The following TSGA10 variants were observed in gnomAD, a reference collection of about 807,000 sequenced individuals.
TSGA10 encodes testis-specific gene 10 protein.
TSGA10 carries 43 observed loss-of-function variants against 96.6 expected under a neutral mutation model. The observed-to-expected ratio is 0.44, with a 90% CI of 0.35 to 0.57. The LOEUF (loss-of-function observed/expected upper bound fraction) is 0.57. TSGA10 is among the 20% of genes least tolerant of loss of function. TSGA10 has a pLI of 0.01. For synonymous variants in TSGA10, 229 were observed against 269.9 expected (o/e 0.85, Z 1.48); for missense variants, 703 against 834.4 (o/e 0.84, Z 1.94).
chr2:99,051,996 T>C (rs572361943), intron 16 of TSGA10, among the ~76,000 whole-genome samples: 58 of 151,680 alleles, frequency 3.8e-4, no homozygotes, highest in Non-Finnish European at 6.2e-4. Flanking sequence ...TAGAAGAAAA[T>C]TGATGCAGGT....
intron 10 of TSGA10, among the ~76,000 whole-genome samples, chr2:99,103,100 AAT>A (rs2090956366): frequency 6.6e-6 from 1 of 151,296 alleles, no homozygotes; most frequent in African/African-American, 2.4e-5. Flanking sequence ...AAAAAAAAAA[AAT>A]TGTTAAGAAA....
intron 4 of TSGA10, chr2:99,117,183 T>C (rs2092317625): frequency 6.6e-6 from 1 of 152,222 alleles, no homozygotes; most frequent in Non-Finnish European, 1.5e-5. Context: ...TTAATGGGTA[T>C]TGAAATCAAT....
intron 17 of TSGA10, among the ~76,000 whole-genome samples, chr2:99,030,725 C>T (rs996051896): frequency 6.6e-6 from 1 of 152,084 alleles, no homozygotes; most frequent in Non-Finnish European, 1.5e-5. Context: ...TTGACAATGA[C>T]ATTAACACTA....
At chr2:98,999,070 A>G (rs1185813719) in intron 20 of TSGA10, among the ~76,000 whole-genome samples, 1 of 151,948 alleles carries the variant, frequency 6.6e-6, no homozygotes, top group African/African-American at 2.4e-5. Flanking sequence ...TAATGTTTGT[A>G]TTTTTAGTAG....
chr2:99,028,875 G>T (rs1176799160), intron 17 of TSGA10, among the ~76,000 whole-genome samples: 1 of 152,042 alleles, frequency 6.6e-6, no homozygotes, highest in Admixed American at 6.6e-5. Flanking sequence ...TTCCACTTGT[G>T]GGAATCCATC....
intron 1 of TSGA10, 101 bp from the exon 2 acceptor site, chr2:99,127,277 T>G: frequency 1.0e-6 from 1 of 995,830 alleles, no homozygotes; most frequent in Non-Finnish European, 1.3e-6. Context: ...ATTCTTAGAT[T>G]TTTTTTAACC....
At chr2:99,051,308 C>A (rs2083369711) in intron 16 of TSGA10, among the ~76,000 whole-genome samples, 1 of 151,926 alleles carries the variant, frequency 6.6e-6, no homozygotes, top group South Asian at 2.1e-4. Flanking sequence ...ATATATCATG[C>A]AAAGAGCAAC....
rs555668072 is a variant in TSGA10, at chr2:99,036,761, C to T, written c.1405-1322G>A. On this transcript the variant is annotated intron_variant, in intron 16 of 20. Transcript: ENST00000393483. ...AAAACAAGATCTACTTATTTAGCTA[C>T]GATAAATTAATATTAATATTCAAAT... Among the ~76,000 whole-genome samples the T allele has an allele frequency of 2.3e-3, 351 of 151,894 alleles. 2 individuals are homozygous for T. The highest frequency in any genetic ancestry group is 0.014 in the Middle Eastern group (4 of 294).
At chr2:99,132,417 A>C (rs2093133866) in intron 1 of TSGA10, among the ~76,000 whole-genome samples, 1 of 152,000 alleles carries the variant, frequency 6.6e-6, no homozygotes, top group African/African-American at 2.4e-5. Context: ...ATTTGTGTAG[A>C]GACGTTTATA....
chr2:99,132,040 A>AT (rs202137749), intron 1 of TSGA10, among the ~76,000 whole-genome samples: 1,621 of 151,976 alleles, frequency 0.011, 9 homozygotes, highest in Middle Eastern at 0.027. Context: ...TTTATTGAGG[A>AT]TTTTCACATC....
intron 3 of TSGA10, 61 bp from the exon 4 acceptor site, chr2:99,117,820 G>C: frequency 1.2e-6 from 1 of 821,558 alleles, no homozygotes; most frequent in Non-Finnish European, 1.5e-6. Flanking sequence ...CTGGGGAGCA[G>C]CTGTGTGACT....
chr2:99,117,376 GT>G (rs202114597), intron 4 of TSGA10, 167 bp downstream of exon 4: 2,503 of 203,264 alleles, frequency 0.012, 14 homozygotes, highest in Middle Eastern at 0.022. Context: ...GTTAAAAGAA[GT>G]AAAATGTGAG....
chr2:99,074,000 C>CTTTTTTTTTTTTTTTT lies in TSGA10; in HGVS notation c.883-943_883-928dup. Among the ~76,000 whole-genome samples, 285 of 52,636 alleles carry CTTTTTTTTTTTTTTTT rather than the reference C, an allele frequency of 5.4e-3. 97 individuals are homozygous for CTTTTTTTTTTTTTTTT. Among genetic ancestry groups the CTTTTTTTTTTTTTTTT allele is most frequent in the African/African-American group, 7.9e-3 (105 of 13,356 alleles). The allele number at this position is 52,636 out of a possible 152,430, so 34.5% of individuals were successfully genotyped here. On this transcript the variant is annotated intron_variant, in intron 12 of 20. Transcript: ENST00000393483. ...AACCAATTCTGTTCCTGTTTCTTTT[C>CTTTTTTTTTTTTTTTT]TTTTTTTTTTTTTTTTTTTTTTTTT... is the stretch of plus-strand genomic sequence containing the variant.
chr2:99,098,290 T>G (rs1050846347), intron 10 of TSGA10, among the ~76,000 whole-genome samples: 1 of 150,916 alleles, frequency 6.6e-6, no homozygotes, highest in African/African-American at 2.4e-5. Context: ...ACAAAAAAAA[T>G]TAGCCAGGCG....
intron 7 of TSGA10, among the ~76,000 whole-genome samples, chr2:99,105,993 T>C (rs1373799306): frequency 6.6e-6 from 1 of 152,228 alleles, no homozygotes; most frequent in East Asian, 1.9e-4. Flanking sequence ...CATTTATTCA[T>C]TTTGTAGTGT....
chr2:99,043,315 A>G (rs182836523), intron 16 of TSGA10, among the ~76,000 whole-genome samples: 1 of 152,290 alleles, frequency 6.6e-6, no homozygotes, highest in Admixed American at 6.5e-5. Context: ...GAATTTAAAA[A>G]AGATTGATGA....
At chr2:99,101,394 C>T (rs1396972687) in intron 10 of TSGA10, among the ~76,000 whole-genome samples, 4 of 151,826 alleles carry the variant, frequency 2.6e-5, no homozygotes, top group African/African-American at 9.7e-5. Flanking sequence ...TTTCAAAGTC[C>T]TGGCCTCAAG....
chr2:99,036,897 T>C (rs140911856), intron 16 of TSGA10, among the ~76,000 whole-genome samples: 1,632 of 152,222 alleles, frequency 0.011, 9 homozygotes, highest in Middle Eastern at 0.027. Context: ...ATAATGATTG[T>C]AAAAAGTTAA....
At chr2:99,129,869 T>C (rs1179053298) in intron 1 of TSGA10, among the ~76,000 whole-genome samples, 1 of 152,196 alleles carries the variant, frequency 6.6e-6, no homozygotes, top group Admixed American at 6.5e-5. Context: ...CTCCCACTTA[T>C]GAGTAAGAAC....
Sources: allele counts gnomAD v4.1 joint callset (sites outside exome capture counted in the v4.1 genomes callset), GRCh38; gene constraint gnomAD v4.1.1; transcripts MANE v1.5; gene names NCBI Gene and HGNC (gene_info 2026-07-23, HGNC 2026-07-21).